GAS2: variants seen among roughly 807,000 people sequenced by gnomAD.
The protein encoded by GAS2 is growth arrest-specific protein 2.
In GAS2, 20 loss-of-function variants were observed where a neutral mutation model predicts 37.5. That is an observed-to-expected ratio of 0.53 (90% CI 0.37 to 0.77). The LOEUF (loss-of-function observed/expected upper bound fraction) is 0.77. Ranked by LOEUF, GAS2 falls within the 30% of genes least tolerant of loss-of-function variation. GAS2 has a pLI of 0.00. For synonymous variants in GAS2, 144 were observed against 132.2 expected (o/e 1.09, Z -0.61); for missense variants, 336 against 373.4 (o/e 0.90, Z 0.82).
chr11:22,638,487 A>G (rs1055105621), intron 1 of GAS2, among the ~76,000 whole-genome samples: 3 of 151,906 alleles, frequency 2.0e-5, no homozygotes, highest in Admixed American at 1.3e-4. Context: ...CTAGGATTAC[A>G]GGCACTTGGC....
chr11:22,718,823 A>G (rs1379371366), intron 3 of GAS2, among the ~76,000 whole-genome samples: 2 of 152,090 alleles, frequency 1.3e-5, no homozygotes, highest in African/African-American at 2.4e-5. Flanking sequence ...CAGTCTGTTC[A>G]TATGCAAACG....
intron 5 of GAS2, among the ~76,000 whole-genome samples, chr11:22,739,291 T>C (rs965482210): frequency 6.6e-6 from 1 of 152,054 alleles, no homozygotes; most frequent in Non-Finnish European, 1.5e-5. Flanking sequence ...AAAGGGGAAG[T>C]TGGCCGGGCG....
chr11:22,674,591 A>G (rs887312382), intron 1 of GAS2, among the ~76,000 whole-genome samples: 3 of 152,316 alleles, frequency 2.0e-5, no homozygotes, highest in African/African-American at 7.2e-5. Context: ...CTTTCCAAGT[A>G]TATTGTTTCA....
At chr11:22,729,520 A>G (rs1272195545) in intron 4 of GAS2, among the ~76,000 whole-genome samples, 1 of 151,894 alleles carries the variant, frequency 6.6e-6, no homozygotes, top group Non-Finnish European at 1.5e-5. Context: ...TTTATACTCT[A>G]TGACATTCTT....
intron 4 of GAS2, chr11:22,731,269 A>G (rs1474589762): frequency 2.5e-6 from 1 of 405,242 alleles, no homozygotes; most frequent in Non-Finnish European, 4.9e-6. Flanking sequence ...TATTTTAAAA[A>G]TACACACTTT....
chr11:22,772,856 G>A (rs1295256477), intron 7 of GAS2, among the ~76,000 whole-genome samples: 1 of 152,148 alleles, frequency 6.6e-6, no homozygotes, highest in Non-Finnish European at 1.5e-5. Context: ...TTTAAATGCA[G>A]TAAAATCAAG....
chr11:22,675,112 G>A (rs1849364860), intron 2 of GAS2, 98 bp downstream of exon 2: 2 of 1,173,666 alleles, frequency 1.7e-6, no homozygotes, highest in African/African-American at 3.1e-5. Flanking sequence ...ATAGCACCTT[G>A]GAAAGAAAGA....
intron 7 of GAS2, among the ~76,000 whole-genome samples, chr11:22,808,354 T>C (rs1353365843): frequency 6.6e-6 from 1 of 152,182 alleles, no homozygotes; most frequent in Non-Finnish European, 1.5e-5. Flanking sequence ...AATCCTCCCC[T>C]ATTGACTGTG....
chr11:22,723,999 A>C (rs1386245496), intron 3 of GAS2, among the ~76,000 whole-genome samples: 1 of 151,864 alleles, frequency 6.6e-6, no homozygotes, highest in East Asian at 1.9e-4. Flanking sequence ...TACATCAATC[A>C]ATTCCCTTCC....
chr11:22,737,918 C>A, intron 5 of GAS2, 150 bp downstream of exon 5: 1 of 708,856 alleles, frequency 1.4e-6, no homozygotes, highest in Non-Finnish European at 2.5e-6. Flanking sequence ...TTGAGGGCAG[C>A]AGTTAACCAA....
chr11:22,757,269 T>A (rs11026769), intron 7 of GAS2, among the ~76,000 whole-genome samples: 2,897 of 152,240 alleles, frequency 0.019, 104 homozygotes, highest in African/African-American at 0.067. Context: ...AGGATTTTAA[T>A]GTCCACATTT....
intron 1 of GAS2, among the ~76,000 whole-genome samples, chr11:22,645,845 CTTTTT>C (rs71037516): frequency 9.0e-6 from 1 of 111,440 alleles, no homozygotes; most frequent in Non-Finnish European, 1.9e-5. Flanking sequence ...CTTTTCTTTT[CTTTTT>C]TTTTTTTTTT....
chr11:22,683,618 T>C (rs1849800250), intron 2 of GAS2, among the ~76,000 whole-genome samples: 1 of 152,068 alleles, frequency 6.6e-6, no homozygotes, highest in African/African-American at 2.4e-5. Flanking sequence ...TTTCTTAAGA[T>C]AAAAGATAAG....
At chr11:22,649,869 C>G (rs935577179) in intron 1 of GAS2, among the ~76,000 whole-genome samples, 58 of 151,944 alleles carry the variant, frequency 3.8e-4, no homozygotes, top group African/African-American at 5.6e-4. Flanking sequence ...AAAAAACCAG[C>G]TCCTGGATTC....
At chr11:22,719,637 C>T (rs182367739) in intron 3 of GAS2, among the ~76,000 whole-genome samples, 1 of 152,198 alleles carries the variant, frequency 6.6e-6, no homozygotes, top group Non-Finnish European at 1.5e-5. Context: ...ATCCATCCCT[C>T]CCTGCTAAAC....
intron 7 of GAS2, among the ~76,000 whole-genome samples, chr11:22,795,931 A>T (rs1488017621): frequency 6.6e-6 from 1 of 152,184 alleles, no homozygotes; most frequent in East Asian, 1.9e-4. Flanking sequence ...GTGAGAACAG[A>T]TTGCATTTTA....
chr11:22,794,411 A>G (rs1271735250), intron 7 of GAS2, among the ~76,000 whole-genome samples: 3 of 152,088 alleles, frequency 2.0e-5, no homozygotes, highest in Admixed American at 6.6e-5. Flanking sequence ...TTATTTAATT[A>G]TGCTGCTTTA....
chr11:22,660,708 T>C (rs1259341673), intron 1 of GAS2, among the ~76,000 whole-genome samples: 1 of 152,216 alleles, frequency 6.6e-6, no homozygotes, highest in Non-Finnish European at 1.5e-5. Context: ...TGACAGCCTC[T>C]GTGGGGATGA....
rs139731443 is a variant in GAS2, at chr11:22,718,669, A to C, written c.268-7623A>C. 5.7e-3 allele frequency among the ~76,000 whole-genome samples: 872 copies of C among 151,954 alleles called. 14 individuals carry two copies. Among genetic ancestry groups the C allele is most frequent in the African/African-American group, 0.019 (790 of 41,506 alleles). On this transcript the variant is annotated intron_variant, in intron 3 of 7. Transcript: ENST00000454584. ...TTTCCCCAAAACTATTGAAATAATA[A>C]TAATAATAATAAATATTAAAATCTT...
Sources: allele counts gnomAD v4.1 joint callset (sites outside exome capture counted in the v4.1 genomes callset), GRCh38; gene constraint gnomAD v4.1.1; transcripts MANE v1.5; gene names NCBI Gene and HGNC (gene_info 2026-07-23, HGNC 2026-07-21).